The following GRB14 variants were observed in gnomAD, a reference collection of about 807,000 sequenced individuals.
GRB14 encodes growth factor receptor-bound protein 14.
A neutral mutation model predicts 69.1 loss-of-function variants in GRB14; 38 were observed. That is an observed-to-expected ratio of 0.55 (90% CI 0.42 to 0.72). The LOEUF (loss-of-function observed/expected upper bound fraction) is 0.72, where lower values mean the gene tolerates loss of function less well. Ranked by LOEUF, GRB14 falls within the 30% of genes least tolerant of loss-of-function variation. The pLI, the probability that GRB14 is intolerant of heterozygous loss-of-function variation, is 0.00. For missense variants in GRB14, 666 were observed against 666.1 expected (o/e 1.00, Z 0.00); for synonymous variants, 247 against 241.3 (o/e 1.02, Z -0.22).
rs1416177440 is a variant in GRB14 at position 164,521,963 on chromosome 2, T to C, written c.816+17A>G. ...TTAATATGTCAGTCATAACACATCA[T>C]GGATACTTCAATTTACCTTTGATGT... On this transcript the variant is annotated intron_variant, in intron 6 of 13. Coordinates refer to ENST00000263915, the MANE Select transcript of GRB14 (RefSeq NM_004490.3). 10 of 1,586,030 alleles carry C rather than the reference T, an allele frequency of 6.3e-6. No individual in the cohort carries two copies. The highest frequency in any genetic ancestry group is 2.2e-5 in the East Asian group (1 of 44,548).
chr2:164,533,512 G>C (rs1054750302), intron 3 of GRB14, among the ~76,000 whole-genome samples: 1 of 151,960 alleles, frequency 6.6e-6, no homozygotes, highest in African/African-American at 2.4e-5. Context: ...GAGCCACCGC[G>C]CCCGGCCCCA....
At chr2:164,524,061 T>C (rs778885224) in intron 5 of GRB14, among the ~76,000 whole-genome samples, 11 of 152,082 alleles carry the variant, frequency 7.2e-5, no homozygotes, top group Admixed American at 3.3e-4. Context: ...ACTAATCATG[T>C]TTCAAAAATA....
At chr2:164,583,429 G>A (rs1574332237) in intron 2 of GRB14, among the ~76,000 whole-genome samples, 2 of 152,292 alleles carry the variant, frequency 1.3e-5, no homozygotes, top group Admixed American at 6.5e-5. Flanking sequence ...AGTGAATATT[G>A]AGTGGACATA....
rs141737311 is a variant in GRB14, at chr2:164,501,068, A to G, written c.1104+1187T>C. Among the ~76,000 whole-genome samples the G allele has an allele frequency of 2.4e-3, 370 of 152,248 alleles. 1 individual carries two copies. The highest frequency in any genetic ancestry group is 3.5e-3 in the Non-Finnish European group (241 of 68,000). On this transcript the variant is annotated intron_variant, in intron 9 of 13. Transcript: ENST00000263915. ...ATAAAATTCATTATTATTTTTATAT[A>G]CATATGAATTGAAAGATAAGAGTAA...
At chr2:164,553,431 T>A (rs1688596019) in intron 2 of GRB14, among the ~76,000 whole-genome samples, 1 of 152,108 alleles carries the variant, frequency 6.6e-6, no homozygotes, top group Non-Finnish European at 1.5e-5. Context: ...GAGAGAAAAA[T>A]TTAATATTTT....
In GRB14 at chr2:164,493,208, G is replaced by A. The variant is rs1450805961; in HGVS notation, c.1477-26C>T. 5 of 1,601,496 alleles carry A rather than the reference G, an allele frequency of 3.1e-6. No individual in the cohort carries two copies. The African/African-American group carries it at 5.4e-5, about 17-fold the overall frequency. ...CTGCAAAAAGAAAAGCAACAAATAA[G>A]TAAAGAGGATAAATTACACAGAAGG... On this transcript the variant is annotated intron_variant, in intron 13 of 13. Transcript: ENST00000263915.
chr2:164,617,178 T>C (rs561824163), intron 2 of GRB14, among the ~76,000 whole-genome samples: 13 of 152,254 alleles, frequency 8.5e-5, no homozygotes, highest in Middle Eastern at 3.4e-3. Flanking sequence ...CTTGTCTTCA[T>C]AGAGATCTCA....
intron 2 of GRB14, among the ~76,000 whole-genome samples, chr2:164,618,625 T>G (rs148303479): frequency 1.4e-3 from 213 of 152,274 alleles, no homozygotes; most frequent in African/African-American, 4.8e-3. Flanking sequence ...CCCAAAAATA[T>G]ATACACAGGG....
At chr2:164,612,345 T>C (rs1380722131) in intron 2 of GRB14, among the ~76,000 whole-genome samples, 2 of 152,222 alleles carry the variant, frequency 1.3e-5, no homozygotes, top group Non-Finnish European at 2.9e-5. Flanking sequence ...AAACCTCCTA[T>C]TTGTGTTTAT....
intron 3 of GRB14, among the ~76,000 whole-genome samples, chr2:164,546,243 T>C (rs977650769): frequency 2.0e-5 from 3 of 152,218 alleles, no homozygotes; most frequent in Admixed American, 2.0e-4. Context: ...GTTTCTACTT[T>C]GCGCTACTTT....
At chr2:164,554,242 T>C (rs924025444) in intron 2 of GRB14, among the ~76,000 whole-genome samples, 9 of 152,136 alleles carry the variant, frequency 5.9e-5, no homozygotes, top group Admixed American at 1.3e-4. Flanking sequence ...TTAAACATTA[T>C]ATAATCATGC....
intron 2 of GRB14, among the ~76,000 whole-genome samples, chr2:164,557,848 A>T (rs1688719313): frequency 6.6e-6 from 1 of 152,170 alleles, no homozygotes; most frequent in South Asian, 2.1e-4. Flanking sequence ...AGAAATAGAG[A>T]ATTTGTGTTC....
intron 9 of GRB14, among the ~76,000 whole-genome samples, chr2:164,501,504 C>T (rs1227755760): frequency 6.6e-6 from 1 of 152,018 alleles, no homozygotes; most frequent in Non-Finnish European, 1.5e-5. Flanking sequence ...AATAGCAGAA[C>T]ATAAATCTTA....
chr2:164,496,870 C>T, intron 12 of GRB14, 138 bp downstream of exon 12: 1 of 665,068 alleles, frequency 1.5e-6, no homozygotes, highest in Non-Finnish European at 2.7e-6. Context: ...ACAGTGATGA[C>T]CTCATTTATA....
intron 2 of GRB14, among the ~76,000 whole-genome samples, chr2:164,562,361 C>T (rs557389338): frequency 1.3e-5 from 2 of 152,188 alleles, no homozygotes; most frequent in East Asian, 1.9e-4. Context: ...TATTCATCAG[C>T]GTATATAGTT....
At chr2:164,588,286 G>A (rs1479636041) in intron 2 of GRB14, among the ~76,000 whole-genome samples, 2 of 152,164 alleles carry the variant, frequency 1.3e-5, no homozygotes, top group African/African-American at 4.8e-5. Flanking sequence ...ATGCAGAAAT[G>A]TTGCCAATGT....
chr2:164,540,236 T>C (rs774047304), intron 3 of GRB14, among the ~76,000 whole-genome samples: 8 of 152,166 alleles, frequency 5.3e-5, no homozygotes, highest in Non-Finnish European at 7.3e-5. Flanking sequence ...TCCACTTAAT[T>C]GCACAGCCTG....
At chr2:164,619,861 A>C in intron 1 of GRB14, 42 bp from the exon 2 acceptor site, 1 of 1,527,260 alleles carries the variant, frequency 6.5e-7, no homozygotes, top group South Asian at 1.2e-5. Context: ...ATAAAACAGA[A>C]TGTAAAATAT....
At chr2:164,541,169 TA>T (rs1256660127) in intron 3 of GRB14, among the ~76,000 whole-genome samples, 2 of 152,134 alleles carry the variant, frequency 1.3e-5, no homozygotes, top group African/African-American at 4.8e-5. Context: ...GTATTTAAAA[TA>T]TTTTTTAAAA....
Sources: allele counts gnomAD v4.1 joint callset (sites outside exome capture counted in the v4.1 genomes callset), GRCh38; gene constraint gnomAD v4.1.1; transcripts MANE v1.5; gene names NCBI Gene and HGNC (gene_info 2026-07-23, HGNC 2026-07-21).